CALM3: variants seen among roughly 807,000 people sequenced by gnomAD.
CALM3 encodes calmodulin-3.
Under a neutral mutation model 20.1 loss-of-function variants are expected in CALM3, and 5 were observed. The ratio of observed to expected loss-of-function variants is 0.25; its 90% confidence interval spans 0.13 to 0.52. The LOEUF is 0.52. Among genes scored for constraint, CALM3 ranks in the 20% least tolerant of loss-of-function variants. The pLI is 0.96. For synonymous variants in CALM3, 69 were observed against 68.1 expected, an observed-to-expected ratio of 1.01 and a Z score of -0.06; for missense variants, 57 against 192.8, an observed-to-expected ratio of 0.30 and a Z score of 4.17.
In CALM3 at chr19:46,608,549, T is replaced by C; in HGVS notation, c.246T>C (p.Ser82=). 2.5e-6 allele frequency: 4 copies of C among 1,614,000 alleles called. No homozygotes were observed. The highest frequency in any genetic ancestry group is 3.4e-6 in the Non-Finnish European group (4 of 1,179,950). ...MMARKMKDTD[S]EEEIREAFRV... ...CCAGAAAGATGAAGGACACAGACAG[T>C]GAGGAGGAGATCCGAGAGGCGTTCC... The change falls in exon 4 of 6, where the codon AGT becomes AGC. Residue 82 remains serine, a synonymous_variant. Transcript: ENST00000291295. This position sits in a 1 kb window ranked among gnomAD's most constrained non-coding sequence, Gnocchi z 5.5.
intron 1 of CALM3, among the ~76,000 whole-genome samples, chr19:46,603,279 A>G (rs573838947): frequency 6.6e-6 from 1 of 152,358 alleles, no homozygotes; most frequent in Admixed American, 6.5e-5. Context: ...CTGAAGCACT[A>G]GCAGGCCCCC....
At position 46,609,228 on chromosome 19, in the gene CALM3, T is replaced by G; in HGVS notation, c.*75T>G. ...CGCGCGCGCACTCTCTCTTCAACAC[T>G]CCCCTGCGTACCCCGGTTCTAGCAA... is the stretch of plus-strand genomic sequence containing the variant. On this transcript the variant is annotated 3_prime_UTR_variant, in exon 6 of 6. Transcript: ENST00000291295. 7.4e-7 allele frequency: 1 copy of G among 1,342,754 alleles called. No homozygotes were observed. The highest frequency in any genetic ancestry group is 1.1e-6 in the Non-Finnish European group (1 of 946,508). 83.2% of individuals were successfully genotyped at this position (1,342,754 alleles called of 1,614,324 possible).
At chr19:46,603,226 C>CT (rs142995290) in intron 1 of CALM3, among the ~76,000 whole-genome samples, 184 of 152,316 alleles carry the variant, frequency 1.2e-3, no homozygotes, top group African/African-American at 4.1e-3. Context: ...CTCCTCTTGC[C>CT]GCTACCCCAT....
At position 46,605,664 on chromosome 19, in the gene CALM3, C is replaced by T. The variant is rs118126522; in HGVS notation, c.4-163C>T. 1.9e-3 allele frequency among the ~76,000 whole-genome samples: 288 copies of T among 152,360 alleles called. No individual in the cohort carries two copies. Among genetic ancestry groups the T allele is most frequent in the Non-Finnish European group, 3.2e-3 (217 of 68,038 alleles). ...TGAATCACCAGACTTTATCATCAGG[C>T]GCTGGCTCTGCCTCAGACCCTGACT... is the stretch of plus-strand genomic sequence containing the variant. On this transcript the variant is annotated intron_variant, in intron 1 of 5. Transcript: ENST00000291295. This position sits in a 1 kb window ranked among gnomAD's most constrained non-coding sequence, Gnocchi z 4.1.
At chr19:46,602,810 G>C (rs1218642861) in intron 1 of CALM3, among the ~76,000 whole-genome samples, 1 of 152,148 alleles carries the variant, frequency 6.6e-6, no homozygotes, top group Non-Finnish European at 1.5e-5. Flanking sequence ...AGGAGCGCCG[G>C]TTTTCTCATG....
intron 2 of CALM3, among the ~76,000 whole-genome samples, chr19:46,607,397 A>G (rs758650477): frequency 1.3e-5 from 2 of 152,158 alleles, no homozygotes; most frequent in Non-Finnish European, 2.9e-5. Flanking sequence ...GCTGCCGGAC[A>G]TCTGTTTTTG....
intron 1 of CALM3, among the ~76,000 whole-genome samples, chr19:46,603,496 G>A (rs755339622): frequency 3.3e-5 from 5 of 152,184 alleles, no homozygotes; most frequent in Non-Finnish European, 7.4e-5. Flanking sequence ...GGGGGCTGGG[G>A]CAAGGCAGAG....
Position 46,608,035 on chromosome 19 carries a change from C to T in CALM3, c.35-162C>T. The T allele has an allele frequency of 3.1e-6, 2 of 652,756 alleles. No individual in the cohort carries two copies. The highest frequency in any genetic ancestry group is 5.4e-6 in the Non-Finnish European group (2 of 373,206). 40.4% of individuals were successfully genotyped at this position (652,756 alleles called of 1,614,324 possible). ...GGTTGGAAGGGCTTTGCCCTGAGCA[C>T]TGAGGAGAGAGAGCTGGTTGCGTGG... On this transcript the variant is annotated intron_variant, in intron 2 of 5. Coordinates refer to ENST00000291295, the MANE Select transcript of CALM3 (RefSeq NM_005184.4). This position sits in a 1 kb window ranked among gnomAD's most constrained non-coding sequence, Gnocchi z 5.5.
Position 46,609,158 on chromosome 19 carries a change from C to A in CALM3, c.*5C>A, listed in dbSNP as rs373639939. On this transcript the variant is annotated 3_prime_UTR_variant, in exon 6 of 6. Transcript: ENST00000291295. ...CAGATGATGACTGCAAAGTGAAGGC[C>A]CCCCGGGCAGCTGGCGATGCCCGTT... 4 of 1,613,774 alleles carry A rather than the reference C, an allele frequency of 2.5e-6. No individual in the cohort carries two copies. Among genetic ancestry groups the A allele is most frequent in the Non-Finnish European group, 3.4e-6 (4 of 1,179,916 alleles).
upstream of CALM3, chr19:46,601,137 T>G: frequency 7.6e-6 from 5 of 653,602 alleles, no homozygotes; most frequent in Non-Finnish European, 5.0e-6. This position sits in a 1 kb window ranked among gnomAD's most constrained non-coding sequence, Gnocchi z 4.2. Flanking sequence ...CAAACCCAAT[T>G]CCTGTGCAGG....
rs116318013 is a variant in CALM3, at chr19:46,605,523, G to A, written c.4-304G>A. On this transcript the variant is annotated intron_variant, in intron 1 of 5. Transcript: ENST00000291295. This position sits in a 1 kb window ranked among gnomAD's most constrained non-coding sequence, Gnocchi z 4.1. ...TGGGGCTGGGGCAGGCTTTTCTCCC[G>A]CCCCTGTGGCTCCCACATGCTGAGT... is the stretch of plus-strand genomic sequence containing the variant. Among the ~76,000 whole-genome samples, 602 of 152,314 alleles carry A rather than the reference G, an allele frequency of 4.0e-3. 3 individuals are homozygous for A. The highest frequency in any genetic ancestry group is 0.014 in the African/African-American group (571 of 41,574).
At chr19:46,607,592 G>A (rs993717561) in intron 2 of CALM3, among the ~76,000 whole-genome samples, 7 of 151,876 alleles carry the variant, frequency 4.6e-5, no homozygotes, top group Admixed American at 1.3e-4. Flanking sequence ...TCAACCCCAC[G>A]CACTGTCCGT....
chr19:46,602,210 G>A, intron 1 of CALM3: 1 of 1,354,844 alleles, frequency 7.4e-7, no homozygotes, highest in Non-Finnish European at 9.8e-7. Context: ...GAAAAGGGAT[G>A]GTGAGAGTGG....
In CALM3 at chr19:46,608,239, G is replaced by A. The variant is rs1971785540; in HGVS notation, c.77G>A (p.Gly26Asp). 6.2e-7 allele frequency: 1 copy of A among 1,614,038 alleles called. No individual in the cohort carries two copies. The highest frequency in any genetic ancestry group is 8.5e-7 in the Non-Finnish European group (1 of 1,179,934). Reference protein sequence around the residue: ...AFSLFDKDGDGTITTKELGTV... With the variant: ...AFSLFDKDGDDTITTKELGTV... ...TCCCTCTTTGACAAGGATGGAGATG[G>A]CACTATCACCACCAAGGAGTTGGGG... Residue 26 changes from glycine (G) to aspartate (D), a missense_variant, in exon 3 of 6, where the codon GGC (glycine) becomes GAC (aspartate). Coordinates refer to ENST00000291295, the MANE Select transcript of CALM3 (RefSeq NM_005184.4). This position sits in a 1 kb window ranked among gnomAD's most constrained non-coding sequence, Gnocchi z 5.5.
At chr19:46,607,188 T>G (rs1971759773) in intron 2 of CALM3, among the ~76,000 whole-genome samples, 2 of 151,896 alleles carry the variant, frequency 1.3e-5, no homozygotes, top group African/African-American at 4.8e-5. Context: ...GGTGCCAGCC[T>G]CCCCAAAGAG....
chr19:46,601,425 G>T lies in CALM3; in HGVS notation c.-10G>T. ...TTGATCCCCGTGCTCCGGACACCCC[G>T]GGCCTCGCCATGGTGAGTGAGGCTG... On this transcript the variant is annotated 5_prime_UTR_variant, in exon 1 of 6. Transcript: ENST00000291295. This position sits in a 1 kb window ranked among gnomAD's most constrained non-coding sequence, Gnocchi z 4.2. 1 of 1,492,324 alleles carries T rather than the reference G, an allele frequency of 6.7e-7. No individual in the cohort carries two copies. 92.4% of individuals were successfully genotyped at this position (1,492,324 alleles called of 1,614,324 possible).
chr19:46,601,529 G>T lies in CALM3; in HGVS notation c.3+92G>T. 2 of 1,200,038 alleles carry T rather than the reference G, an allele frequency of 1.7e-6. No homozygotes were observed. The highest frequency in any genetic ancestry group is 2.2e-6 in the Non-Finnish European group (2 of 925,854). 74.3% of individuals were successfully genotyped at this position (1,200,038 alleles called of 1,614,324 possible). ...GAGGGGGCGACAGAGCCCAGAGTGG[G>T]GGGCGTCCGGGCCCGGCGAGAGCCT... On this transcript the variant is annotated intron_variant, in intron 1 of 5. Transcript: ENST00000291295. This position sits in a 1 kb window ranked among gnomAD's most constrained non-coding sequence, Gnocchi z 4.2.
rs929012816 is a variant in CALM3, at chr19:46,601,945, G to A, written c.3+508G>A. On this transcript the variant is annotated intron_variant, in intron 1 of 5. Coordinates refer to ENST00000291295, the MANE Select transcript of CALM3 (RefSeq NM_005184.4). The surrounding 1 kb of genome is among the most constrained non-coding windows in gnomAD (Gnocchi z 4.2). The stretch of plus-strand genomic sequence containing the variant: ...GGGGTGGTGGAGGGTAGCTGGGCCC[G>A]GGCGGGGAGGGGCGACCCCTGGGCT... 26 of 432,560 alleles carry A rather than the reference G, an allele frequency of 6.0e-5. No homozygotes were observed. The highest frequency in any genetic ancestry group is 4.5e-4 in the Admixed American group (12 of 26,934). 26.8% of individuals were successfully genotyped at this position (432,560 alleles called of 1,614,324 possible).
At position 46,601,493 on chromosome 19, in the gene CALM3, G is replaced by A; in HGVS notation, c.3+56G>A. On this transcript the variant is annotated intron_variant, in intron 1 of 5. Transcript: ENST00000291295. The surrounding 1 kb of genome is among the most constrained non-coding windows in gnomAD (Gnocchi z 4.2). ...CGGGCTCTGAGGCGGGCTTAACGGG[G>A]CAGGACCCCTGAGGGGGCGACAGAG... 7.1e-7 allele frequency: 1 copy of A among 1,407,774 alleles called. No homozygotes were observed. The highest frequency in any genetic ancestry group is 9.3e-7 in the Non-Finnish European group (1 of 1,073,768). The allele number at this position is 1,407,774 out of a possible 1,614,324, so 87.2% of individuals were successfully genotyped here.
Sources: gnomAD v4.1 joint callset for allele counts (sites outside exome capture counted in the v4.1 genomes callset) on GRCh38, gnomAD v4.1.1 for gene constraint, Gnocchi (gnomAD v3.1) non-coding constraint, MANE v1.5 for transcripts, NCBI Gene and HGNC (gene_info 2026-07-23, HGNC 2026-07-21) for gene names.